Variants in DAPK1 observed in about 807,000 individuals in gnomAD.
The protein encoded by DAPK1 is death associated protein kinase 1.
Under a neutral mutation model 144.9 loss-of-function variants are expected in DAPK1, and 56 were observed. That is an observed-to-expected ratio of 0.39 (90% CI 0.31 to 0.48). DAPK1 has a LOEUF of 0.48. DAPK1 is among the 20% of genes least tolerant of loss of function. DAPK1 has a pLI of 0.95. For missense variants in DAPK1, 1,454 were observed against 1,875.4 expected, an observed-to-expected ratio of 0.78 and a Z score of 4.15; for synonymous variants, 690 against 749.0, an observed-to-expected ratio of 0.92 and a Z score of 1.29.
intron 19 of DAPK1, 172 bp downstream of exon 19, chr9:87,668,846 CCTAT>C (rs1268545344): frequency 3.3e-6 from 2 of 607,014 alleles, no homozygotes; most frequent in Non-Finnish European, 5.9e-6. Flanking sequence ...GCATCAGCTC[CCTAT>C]CTGTTTTCTT....
At chr9:87,513,717 G>A (rs547355279) in intron 2 of DAPK1, among the ~76,000 whole-genome samples, 1 of 152,322 alleles carries the variant, frequency 6.6e-6, no homozygotes, top group East Asian at 1.9e-4. Context: ...GTGGTGGGTG[G>A]TGCAGCTCAT....
chr9:87,605,120 A>C lies in DAPK1; in HGVS notation c.229A>C (p.Ile77Leu), dbSNP rs1828666968. The change falls in exon 3 of 26, where the codon ATC (isoleucine) becomes CTC (leucine). Residue 77 changes from isoleucine (I) to leucine (L), a missense_variant. Ile to Leu is a conservative substitution (Grantham distance 5). Around this residue, in one of 2 missense-constraint regions of DAPK1, gnomAD observed 429 missense variants for 637.5 expected, o/e 0.67. Coordinates refer to ENST00000408954, the MANE Select transcript of DAPK1 (RefSeq NM_004938.4). The part of the protein sequence containing the change: ...ILKEIQHPNV[I>L]TLHEVYENKT... ...GAAGGAGATCCAGCACCCCAATGTC[A>C]TCACCCTGCACGAGGTCTATGAGAA... 2.5e-6 allele frequency: 4 copies of C among 1,614,184 alleles called. No homozygotes were observed. The highest frequency in any genetic ancestry group is 3.4e-6 in the Non-Finnish European group (4 of 1,180,030).
chr9:87,684,808 C>CTGGGATTTCGG (rs1238386101), intron 20 of DAPK1, among the ~76,000 whole-genome samples: 1 of 152,210 alleles, frequency 6.6e-6, no homozygotes, highest in Non-Finnish European at 1.5e-5. Flanking sequence ...AAATGATTTC[C>CTGGGATTTCGG]TGGGATTTCG....
rs1360386913 is a variant in DAPK1 at position 87,651,667 on chromosome 9, C to G, written c.1767C>G (p.Asn589Lys). 1.9e-6 allele frequency: 3 copies of G among 1,614,210 alleles called. No individual in the cohort carries two copies. Among genetic ancestry groups the G allele is most frequent in the Non-Finnish European group, 2.5e-6 (3 of 1,180,034 alleles). The change falls in exon 17 of 26, where the codon AAC (asparagine) becomes AAG (lysine). Residue 589 changes from asparagine to lysine, a missense_variant. This residue lies in a region of DAPK1 where 1,025 missense variants were observed against 1,237.9 expected (regional missense o/e 0.83). Coordinates refer to ENST00000408954, the MANE Select transcript of DAPK1 (RefSeq NM_004938.4). ...TCCATGTGGCATGTAAAGATGGCAA[C>G]ATGCCTATCGTGGTGGCCCTCTGTG... ...TPLHVACKDGNMPIVVALCEA... is the reference protein window; with the variant it reads ...TPLHVACKDGKMPIVVALCEA...
chr9:87,635,914 C>T (rs1829878840), intron 3 of DAPK1, among the ~76,000 whole-genome samples: 2 of 152,192 alleles, frequency 1.3e-5, no homozygotes, highest in African/African-American at 4.8e-5. Context: ...GCACAGAAGC[C>T]AGGGCTGGAG....
intron 24 of DAPK1, among the ~76,000 whole-genome samples, chr9:87,701,636 G>T (rs1825455833): frequency 6.6e-6 from 1 of 152,070 alleles, no homozygotes; most frequent in South Asian, 2.1e-4. Flanking sequence ...ATTCACTCTG[G>T]AGTCTTCCTG....
intron 2 of DAPK1, among the ~76,000 whole-genome samples, chr9:87,589,204 C>T (rs569248728): frequency 9.2e-5 from 14 of 151,944 alleles, no homozygotes; most frequent in African/African-American, 2.9e-4. Context: ...CCACCGCAAC[C>T]GGCCAGTACA....
chr9:87,676,791 A>C (rs1424453424), intron 19 of DAPK1, among the ~76,000 whole-genome samples: 1 of 152,182 alleles, frequency 6.6e-6, no homozygotes, highest in Non-Finnish European at 1.5e-5. Flanking sequence ...AGTGGGATGC[A>C]CTGTGAGGGG....
intron 2 of DAPK1, among the ~76,000 whole-genome samples, chr9:87,561,734 T>C (rs1826934416): frequency 1.3e-5 from 2 of 152,112 alleles, no homozygotes; most frequent in Admixed American, 1.3e-4. Flanking sequence ...TAGACAGCAG[T>C]TTACTTAAGT....
At chr9:87,604,570 G>T (rs964217455) in intron 2 of DAPK1, among the ~76,000 whole-genome samples, 1 of 151,960 alleles carries the variant, frequency 6.6e-6, no homozygotes, top group African/African-American at 2.4e-5. Flanking sequence ...CCGATTCCCT[G>T]GTCTCAATCC....
At chr9:87,692,393 C>G (rs1353518136) in intron 21 of DAPK1, among the ~76,000 whole-genome samples, 2 of 152,050 alleles carry the variant, frequency 1.3e-5, no homozygotes, top group Non-Finnish European at 2.9e-5. Flanking sequence ...TTCTTGTCAG[C>G]AGCATATAGT....
chr9:87,551,922 C>A (rs796210053), intron 2 of DAPK1, among the ~76,000 whole-genome samples: 1 of 152,198 alleles, frequency 6.6e-6, no homozygotes, highest in South Asian at 2.1e-4. Context: ...GTCTCAGATG[C>A]CTCCGTGGGC....
chr9:87,581,417 G>A (rs1175050761), intron 2 of DAPK1, among the ~76,000 whole-genome samples: 1 of 151,130 alleles, frequency 6.6e-6, no homozygotes, highest in Non-Finnish European at 1.5e-5. Flanking sequence ...ATGGAATCAA[G>A]CTGTAATTAA....
intron 8 of DAPK1, 82 bp from the exon 9 acceptor site, chr9:87,640,720 G>T: frequency 1.4e-6 from 2 of 1,444,808 alleles, no homozygotes; most frequent in Non-Finnish European, 1.9e-6. Flanking sequence ...TATCTGCTTG[G>T]CAGGCCCAGC....
rs1554704274 is a variant in DAPK1 at position 87,683,086 on chromosome 9, T to TTTATTTA, written c.2224+1462_2224+1463insATTTATT. Reference sequence around the variant, plus strand: ...TAAAGAAAAAAATTTATTTTATTTATTTTTTTTTTTTTTTGAGATGGAGTC... The same window carrying TTTATTTA: ...TAAAGAAAAAAATTTATTTTATTTATTTATTTATTTTTTTTTTTTTTGAGATGGAGTC... On this transcript the variant is annotated intron_variant, in intron 20 of 25. Transcript: ENST00000408954. Among the ~76,000 whole-genome samples, 22 of 89,780 alleles carry TTTATTTA rather than the reference T, an allele frequency of 2.5e-4. No homozygotes were observed. The Admixed American group carries it at 2.7e-3, about 11-fold the overall frequency. 58.9% of individuals were successfully genotyped at this position (89,780 alleles called of 152,430 possible). A position where few individuals can be genotyped will look rare whatever the true frequency, so the allele number is the denominator to read the frequency against.
rs548073136 is a variant in DAPK1, at chr9:87,604,547, A to ATT, written c.63-406_63-405insTT. Among the ~76,000 whole-genome samples, 310 of 152,166 alleles carry ATT rather than the reference A, an allele frequency of 2.0e-3. 3 individuals carry two copies. Among genetic ancestry groups the ATT allele is most frequent in the African/African-American group, 7.3e-3 (302 of 41,516 alleles). ...TGTTGTTGAAGGCAGGACTTCATAT[A>ATT]TATTTTTTTTTACCGATTCCCTGGT... is the stretch of plus-strand genomic sequence containing the variant. On this transcript the variant is annotated intron_variant, in intron 2 of 25. Coordinates refer to ENST00000408954, the MANE Select transcript of DAPK1 (RefSeq NM_004938.4).
chr9:87,608,571 G>A (rs1200316712), intron 3 of DAPK1, among the ~76,000 whole-genome samples: 3 of 152,190 alleles, frequency 2.0e-5, no homozygotes, highest in African/African-American at 7.2e-5. Context: ...TCTAAAGTGA[G>A]CATACCGTTT....
intron 2 of DAPK1, among the ~76,000 whole-genome samples, chr9:87,540,280 C>T (rs1035241711): frequency 6.7e-6 from 1 of 150,254 alleles, no homozygotes; most frequent in Non-Finnish European, 1.5e-5. Flanking sequence ...GCCTCTGCCT[C>T]CCGCGCCCAA....
At chr9:87,518,097 ATGTTGTTGTTT>A (rs1389243025) in intron 2 of DAPK1, among the ~76,000 whole-genome samples, 2 of 70,162 alleles carry the variant, frequency 2.9e-5, no homozygotes, top group Non-Finnish European at 5.7e-5. Flanking sequence ...TTTGCCGTTT[ATGTTGTTGTTT>A]TTTTTTTTTT....
Sources: allele counts gnomAD v4.1 joint callset (sites outside exome capture counted in the v4.1 genomes callset), GRCh38; gene constraint gnomAD v4.1.1; regional missense constraint gnomAD v4.1.1; transcripts MANE v1.5; gene names NCBI Gene and HGNC (gene_info 2026-07-23, HGNC 2026-07-21).